The following PCDH11X variants were observed in gnomAD, a reference collection of about 807,000 sequenced individuals.
PCDH11X encodes the protein protocadherin-11 X-linked.
Under a neutral mutation model 53.3 loss-of-function variants are expected in PCDH11X, and 18 were observed. The ratio of observed to expected loss-of-function variants is 0.34; its 90% CI spans 0.23 to 0.50. PCDH11X has a LOEUF of 0.50. PCDH11X is among the 20% of genes least tolerant of loss of function. The probability of loss-of-function intolerance (pLI) is 0.98; values close to 1 mark genes in which losing one functional copy is unlikely to be tolerated. For missense variants in PCDH11X, 570 were observed against 1,032.4 expected (o/e 0.55, Z 6.14); for synonymous variants, 279 against 393.3 (o/e 0.71, Z 3.44).
intron 8 of PCDH11X, among the ~76,000 whole-genome samples, chrX:92,305,212 C>T (rs978596289): frequency 9.0e-6 from 1 of 111,076 alleles, no homozygotes. Context: ...AGCTGTTGTA[C>T]TAGTCTACAA....
Position 92,171,090 on chromosome X carries a change from C to T in PCDH11X, c.3034-30285C>T, listed in dbSNP as rs939860185. Among the ~76,000 whole-genome samples the T allele has an allele frequency of 4.8e-5, 5 of 104,452 alleles. No individual in the cohort carries two copies. The East Asian group carries it at 9.2e-4, about 19-fold the overall frequency. 90.7% of individuals were successfully genotyped at this position (104,452 alleles called of 115,157 possible). A position where few individuals can be genotyped will look rare whatever the true frequency, so the allele number is the denominator to read the frequency against. ...AAAGCAGTGAGATTATCAGTGCAAG[C>T]CGCTGTGTCGGCCTAAAAACTTGAT... On this transcript the variant is annotated intron_variant, in intron 6 of 10. Coordinates refer to ENST00000682573, the MANE Select transcript of PCDH11X (RefSeq NM_032968.5).
At chrX:92,180,393 C>T (rs367770894) in intron 6 of PCDH11X, among the ~76,000 whole-genome samples, 1 of 111,022 alleles carries the variant, frequency 9.0e-6, no homozygotes, top group African/African-American at 3.3e-5. Flanking sequence ...CAAAGCCATT[C>T]GTTTTTACTC....
intron 6 of PCDH11X, among the ~76,000 whole-genome samples, chrX:91,906,712 C>T (rs1005454457): frequency 1.8e-5 from 2 of 111,716 alleles, no homozygotes; most frequent in Admixed American, 9.5e-5. Flanking sequence ...GCAAACACAA[C>T]GCCTTTATTA....
intron 8 of PCDH11X, chrX:92,287,944 T>C (rs1348867370): frequency 5.9e-6 from 3 of 512,086 alleles, no homozygotes; most frequent in African/African-American, 2.3e-5. Context: ...TCACTCTCTC[T>C]CCCTCCTTCT....
At chrX:91,801,536 T>C (rs1170394649) in intron 1 of PCDH11X, among the ~76,000 whole-genome samples, 1 of 112,149 alleles carries the variant, frequency 8.9e-6, no homozygotes, top group Non-Finnish European at 1.9e-5. Context: ...CTTTCATTAG[T>C]GAAAGTTATA....
At chrX:92,190,181 T>G (rs962663831) in intron 6 of PCDH11X, among the ~76,000 whole-genome samples, 8 of 111,542 alleles carry the variant, frequency 7.2e-5, no homozygotes, top group Non-Finnish European at 1.1e-4. Flanking sequence ...CTTCTAGGGT[T>G]TTTTATAGTT....
At chrX:92,360,197 T>A (rs2070311104) in intron 8 of PCDH11X, among the ~76,000 whole-genome samples, 1 of 111,645 alleles carries the variant, frequency 9.0e-6, no homozygotes, top group Admixed American at 9.6e-5. Flanking sequence ...TGTAAAGTGC[T>A]TTATACTTTA....
rs773827014 is a variant in PCDH11X, at chrX:92,308,258, A to G, written c.3144+45115A>G. ...TTTCTGATTTCATAACTTACTACAA[A>G]GCCATAGTGATCAAAACAGTGTGGG... On this transcript the variant is annotated intron_variant, in intron 8 of 10. Coordinates refer to ENST00000682573, the MANE Select transcript of PCDH11X (RefSeq NM_032968.5). Among the ~76,000 whole-genome samples, 4 of 111,685 alleles carry G rather than the reference A, an allele frequency of 3.6e-5. No homozygotes were observed. The South Asian group carries it at 1.5e-3, about 42-fold the overall frequency.
At chrX:92,259,313 GA>G (rs1467595553) in intron 7 of PCDH11X, among the ~76,000 whole-genome samples, 1 of 110,893 alleles carries the variant, frequency 9.0e-6, no homozygotes, top group Non-Finnish European at 1.9e-5. Context: ...GATTTATAAA[GA>G]AAAAAGGTTT....
chrX:92,377,488 A>G (rs1215927988), intron 8 of PCDH11X, among the ~76,000 whole-genome samples: 2 of 111,552 alleles, frequency 1.8e-5, no homozygotes, highest in Non-Finnish European at 3.8e-5. Context: ...CCAAGCAATA[A>G]TCAATTCTTA....
chrX:91,968,750 T>C (rs924669971), intron 6 of PCDH11X, among the ~76,000 whole-genome samples: 5 of 111,636 alleles, frequency 4.5e-5, no homozygotes, highest in Non-Finnish European at 9.4e-5. Flanking sequence ...TAATTCACCA[T>C]GCCACATTGA....
chrX:92,376,471 C>T (rs149718657), intron 8 of PCDH11X, among the ~76,000 whole-genome samples: 3,590 of 111,730 alleles, frequency 0.032, 140 homozygotes, highest in African/African-American at 0.11. Context: ...CACGAAGCTA[C>T]TGAACAAAAA....
intron 8 of PCDH11X, among the ~76,000 whole-genome samples, chrX:92,383,169 T>C (rs953317533): frequency 9.0e-6 from 1 of 110,567 alleles, no homozygotes; most frequent in Admixed American, 9.7e-5. Flanking sequence ...GGTTAAGTAG[T>C]TGAGACAGAG....
At chrX:92,270,202 A>T (rs1169008855) in intron 8 of PCDH11X, among the ~76,000 whole-genome samples, 1 of 105,035 alleles carries the variant, frequency 9.5e-6, no homozygotes, top group East Asian at 3.0e-4. Context: ...TCAGCCTCCC[A>T]GGTTTGAGTG....
chrX:91,885,137 G>T (rs1445142537), intron 6 of PCDH11X, among the ~76,000 whole-genome samples: 1 of 106,551 alleles, frequency 9.4e-6, no homozygotes, highest in Non-Finnish European at 1.9e-5. Context: ...TAATGACTGT[G>T]AGTATAACTA....
At chrX:92,545,796 C>G (rs2074843819) in intron 10 of PCDH11X, among the ~76,000 whole-genome samples, 1 of 109,959 alleles carries the variant, frequency 9.1e-6, no homozygotes, top group Non-Finnish European at 1.9e-5. Context: ...TTGCATCAGT[C>G]TGATCGAAAA....
intron 6 of PCDH11X, among the ~76,000 whole-genome samples, chrX:92,190,822 G>A (rs1485443939): frequency 1.8e-5 from 2 of 111,443 alleles, no homozygotes; most frequent in African/African-American, 6.5e-5. Flanking sequence ...AGTCTTTAGA[G>A]ATTACTTATT....
At chrX:92,014,458 A>C (rs1265994948) in intron 6 of PCDH11X, among the ~76,000 whole-genome samples, 2 of 109,027 alleles carry the variant, frequency 1.8e-5, no homozygotes, top group Admixed American at 9.9e-5. Context: ...TAGTTCAACC[A>C]TTGTGGAAGT....
chrX:92,268,990 T>C (rs941690375), intron 8 of PCDH11X, among the ~76,000 whole-genome samples: 6 of 112,650 alleles, frequency 5.3e-5, no homozygotes, highest in Non-Finnish European at 1.9e-5. Context: ...TCTGTGGTTC[T>C]TATATGTACA....
Sources: gnomAD v4.1 joint callset for allele counts (sites outside exome capture counted in the v4.1 genomes callset) on GRCh38, gnomAD v4.1.1 for gene constraint, MANE v1.5 for transcripts, NCBI Gene and HGNC (gene_info 2026-07-23, HGNC 2026-07-21) for gene names.